The following ABHD3 variants were observed in gnomAD, a reference collection of about 807,000 sequenced individuals.
The protein encoded by ABHD3 is phospholipase ABHD3.
In ABHD3, 46 loss-of-function variants were observed where a neutral mutation model predicts 48.8. The observed-to-expected ratio is 0.94, with a 90% CI of 0.74 to 1.20. The LOEUF (loss-of-function observed/expected upper bound fraction) is 1.20. ABHD3 is among the 50% of genes most tolerant of loss of function. The pLI is 0.00. For missense variants in ABHD3, 490 were observed against 497.8 expected (o/e 0.98, Z 0.15); for synonymous variants, 192 against 183.7 (o/e 1.04, Z -0.36).
At chr18:21,678,190 A>G (rs2039930226) in intron 4 of ABHD3, among the ~76,000 whole-genome samples, 1 of 143,228 alleles carries the variant, frequency 7.0e-6, no homozygotes, top group African/African-American at 2.6e-5. Flanking sequence ...CCTGGACTCA[A>G]GTGATCCTCC....
intron 4 of ABHD3, chr18:21,683,515 A>G (rs2040055178): frequency 5.8e-6 from 3 of 513,894 alleles, no homozygotes; most frequent in African/African-American, 2.0e-5. Flanking sequence ...TGTGTTTTGC[A>G]TTAAAAATGA....
At chr18:21,661,102 T>TAAAAAAAAAAAAAAAAAAAAAAAAAAA in intron 5 of ABHD3, among the ~76,000 whole-genome samples, 1 of 57,228 alleles carries the variant, frequency 1.7e-5, no homozygotes, top group Non-Finnish European at 3.2e-5. Context: ...AACTACAAGC[T>TAAAAAAAAAAAAAAAAAAAAAAAAAAA]AAAAAAAAAA....
intron 5 of ABHD3, among the ~76,000 whole-genome samples, chr18:21,662,774 G>A (rs1182555455): frequency 6.6e-6 from 1 of 152,136 alleles, no homozygotes; most frequent in African/African-American, 2.4e-5. Context: ...AGCTGTAAAG[G>A]CTAATGGTCA....
intron 5 of ABHD3, among the ~76,000 whole-genome samples, chr18:21,662,998 C>T (rs965407704): frequency 1.3e-5 from 2 of 152,176 alleles, no homozygotes; most frequent in African/African-American, 4.8e-5. Flanking sequence ...CCATTAAGCA[C>T]AATTCAGAGA....
intron 3 of ABHD3, among the ~76,000 whole-genome samples, chr18:21,695,373 A>G (rs1458564728): frequency 6.6e-6 from 1 of 152,174 alleles, no homozygotes; most frequent in Admixed American, 6.5e-5. Flanking sequence ...GAGCGGGCCA[A>G]TGTGATACAA....
intron 5 of ABHD3, among the ~76,000 whole-genome samples, chr18:21,659,683 G>C (rs1326252945): frequency 6.6e-6 from 1 of 151,460 alleles, no homozygotes; most frequent in African/African-American, 2.4e-5. Flanking sequence ...GTGTGTGTGT[G>C]TTTGAGACAG....
intron 3 of ABHD3, among the ~76,000 whole-genome samples, chr18:21,697,943 T>A (rs906687625): frequency 6.6e-6 from 1 of 152,100 alleles, no homozygotes; most frequent in Non-Finnish European, 1.5e-5. Context: ...CAGTAAATCA[T>A]TGACAGTTCC....
chr18:21,660,290 G>C (rs1330281139), intron 5 of ABHD3, among the ~76,000 whole-genome samples: 1 of 151,700 alleles, frequency 6.6e-6, no homozygotes, highest in Non-Finnish European at 1.5e-5. Flanking sequence ...CACTACCCTA[G>C]CTGCCAAGGA....
chr18:21,689,415 G>A (rs949408600), intron 3 of ABHD3, among the ~76,000 whole-genome samples: 1 of 151,852 alleles, frequency 6.6e-6, no homozygotes, highest in African/African-American at 2.4e-5. Flanking sequence ...CATGCGTGGT[G>A]GCAGGCACCT....
At chr18:21,666,066 C>G (rs1359730861) in intron 4 of ABHD3, among the ~76,000 whole-genome samples, 1 of 151,810 alleles carries the variant, frequency 6.6e-6, no homozygotes, top group Non-Finnish European at 1.5e-5. Flanking sequence ...GATTCTTGCT[C>G]TGTCGCCCAG....
At chr18:21,659,439 G>T (rs2039433843) in intron 5 of ABHD3, 96 bp from the exon 6 acceptor site, 2 of 1,254,716 alleles carry the variant, frequency 1.6e-6, no homozygotes, top group Non-Finnish European at 2.2e-6. Context: ...CTATGGAGAA[G>T]AAAAATATAA....
At chr18:21,657,187 A>C (rs1027751570) in intron 6 of ABHD3, 35 bp from the exon 7 acceptor site, 2 of 1,573,852 alleles carry the variant, frequency 1.3e-6, no homozygotes, top group Non-Finnish European at 1.7e-6. Flanking sequence ...AAAAATCAAG[A>C]TCATTCCTAC....
At chr18:21,696,302 C>A (rs1340676791) in intron 3 of ABHD3, among the ~76,000 whole-genome samples, 1 of 152,008 alleles carries the variant, frequency 6.6e-6, no homozygotes, top group Non-Finnish European at 1.5e-5. Flanking sequence ...TGCCAACACG[C>A]CCGGCTAGTT....
chr18:21,660,829 A>C (rs556296088), intron 5 of ABHD3, among the ~76,000 whole-genome samples: 61 of 152,144 alleles, frequency 4.0e-4, no homozygotes, highest in Non-Finnish European at 8.1e-4. Context: ...ACTCTTCTGC[A>C]AAGGGTTCAT....
intron 3 of ABHD3, among the ~76,000 whole-genome samples, chr18:21,697,963 T>C (rs943583890): frequency 1.3e-5 from 2 of 152,112 alleles, no homozygotes; most frequent in African/African-American, 4.8e-5. Context: ...CCTGGTGACC[T>C]GACATAATTC....
Position 21,703,588 on chromosome 18 carries a change from T to C in ABHD3, c.322A>G (p.Arg108Gly). 6.2e-7 allele frequency: 1 copy of C among 1,606,836 alleles called. No individual in the cohort carries two copies. Among genetic ancestry groups the C allele is most frequent in the Non-Finnish European group, 8.5e-7 (1 of 1,174,078 alleles). ...FITSKPPVQY[R>G]NELIKTADGG... ...TGAAAACGGAAATTCACTTACTTCC[T>C]GTACTGCACCGGGGGCTTCGAAGTG... Residue 108 changes from arginine to glycine, a missense_variant, in exon 2 of 9, where the codon AGG becomes GGG. By Grantham distance (125) the Arg-to-Gly change is moderately radical. Transcript: ENST00000289119.
In ABHD3 at chr18:21,680,852, A is replaced by ATGTGTG. The variant is rs537497306; in HGVS notation, c.555+3062_555+3067dup. On this transcript the variant is annotated intron_variant, in intron 4 of 8. Transcript: ENST00000289119. ...TGTTGTTTCTTTTTTTCTTTTTCAA[A>ATGTGTG]TGTGTGTGTGTGTGTGTGTGTGTGT... Among the ~76,000 whole-genome samples, 415 of 108,484 alleles carry ATGTGTG rather than the reference A, an allele frequency of 3.8e-3. 1 individual carries two copies. Among genetic ancestry groups the ATGTGTG allele is most frequent in the Non-Finnish European group, 4.5e-3 (270 of 60,286 alleles). The allele number at this position is 108,484 out of a possible 152,430, so 71.2% of individuals were successfully genotyped here.
chr18:21,663,838 C>A (rs1230361212), intron 5 of ABHD3: 1 of 1,519,128 alleles, frequency 6.6e-7, no homozygotes, highest in East Asian at 2.5e-5. Context: ...ACATGGCAGC[C>A]GGTGAGTGAT....
intron 3 of ABHD3, chr18:21,701,532 C>T (rs1057332633): frequency 1.3e-5 from 2 of 152,058 alleles, no homozygotes; most frequent in Non-Finnish European, 2.9e-5. Context: ...GTAAACTTAC[C>T]ATCAGCTTTT....
Sources: allele counts gnomAD v4.1 joint callset (sites outside exome capture counted in the v4.1 genomes callset), GRCh38; gene constraint gnomAD v4.1.1; transcripts MANE v1.5; gene names NCBI Gene and HGNC (gene_info 2026-07-23, HGNC 2026-07-21).